GANC: variants seen among roughly 807,000 people sequenced by gnomAD.
GANC encodes the protein neutral alpha-glucosidase C.
In GANC, 117 loss-of-function variants were observed where a neutral mutation model predicts 124.2. The ratio of observed to expected loss-of-function variants is 0.94; its 90% CI spans 0.81 to 1.10. The LOEUF (loss-of-function observed/expected upper bound fraction) is 1.10, where lower values mean the gene tolerates loss of function less well. GANC is among the 50% of genes least tolerant of loss of function. The pLI is 0.00. For synonymous variants in GANC, 377 were observed against 376.8 expected (o/e 1.00, Z -0.01); for missense variants, 1,140 against 1,095.0 (o/e 1.04, Z -0.58).
At chr15:42,294,697 C>T (rs1229610517) in intron 5 of GANC, among the ~76,000 whole-genome samples, 2 of 151,252 alleles carry the variant, frequency 1.3e-5, no homozygotes, top group African/African-American at 2.5e-5. Context: ...AATGGCGCCA[C>T]CTTTACACAT....
At chr15:42,330,770 C>CTTTTTTTTTTTTTTTT in intron 15 of GANC, 98 bp downstream of exon 15, 2 of 359,854 alleles carry the variant, frequency 5.6e-6, no homozygotes, top group South Asian at 2.7e-5. Context: ...CTTCCTTTTC[C>CTTTTTTTTTTTTTTTT]TTTTTTTTTT....
chr15:42,303,261 C>A (rs2051963609), intron 6 of GANC, among the ~76,000 whole-genome samples: 1 of 152,144 alleles, frequency 6.6e-6, no homozygotes, highest in South Asian at 2.1e-4. Context: ...AACTAAGCTT[C>A]ATAAGCAAAG....
intron 3 of GANC, among the ~76,000 whole-genome samples, chr15:42,282,813 T>C (rs567598051): frequency 1.3e-5 from 2 of 152,312 alleles, no homozygotes; most frequent in South Asian, 4.1e-4. Flanking sequence ...TTTCTCGCAG[T>C]TCTGAAGGCT....
At chr15:42,328,377 G>A (rs967316341) in intron 13 of GANC, among the ~76,000 whole-genome samples, 3 of 152,042 alleles carry the variant, frequency 2.0e-5, no homozygotes, top group Non-Finnish European at 4.4e-5. Flanking sequence ...TTACTATCTG[G>A]ACCTTTACCA....
In GANC at chr15:42,273,503, C is replaced by T. The variant is rs1470204292; in HGVS notation, c.-979C>T. The T allele has an allele frequency of 7.9e-6, 12 of 1,527,418 alleles. No homozygotes were observed. The highest frequency in any genetic ancestry group is 1.1e-5 in the Non-Finnish European group (12 of 1,139,674). The allele number at this position is 1,527,418 out of a possible 1,614,324, so 94.6% of individuals were successfully genotyped here. A position where few individuals can be genotyped will look rare whatever the true frequency, so the allele number is the denominator to read the frequency against. ...GGCGGGATTATCCGGGTCCTGGAAA[C>T]GTCGCGGAGCTTGTTTGCTGTGCGG... On this transcript the variant is annotated 5_prime_UTR_variant, in exon 1 of 24. The change creates a new upstream start codon in the 5' untranslated region. Coordinates refer to ENST00000318010, the MANE Select transcript of GANC (RefSeq NM_198141.3).
intron 10 of GANC, among the ~76,000 whole-genome samples, chr15:42,315,764 A>G (rs146342796): frequency 4.6e-5 from 7 of 152,228 alleles, no homozygotes; most frequent in Admixed American, 4.6e-4. Flanking sequence ...ACTCTCCATA[A>G]TGAGAGTGGG....
chr15:42,326,431 A>G lies in GANC; in HGVS notation c.1420+7A>G. The G allele has an allele frequency of 6.2e-7, 1 of 1,613,846 alleles. No homozygotes were observed. The highest frequency in any genetic ancestry group is 1.3e-5 in the African/African-American group (1 of 74,988). ...GAAGGGGTGTGTTGGCCAGGTATGAAATCACTTTATACACTTATTATTTCC... is the reference window on the plus strand; with the variant it reads ...GAAGGGGTGTGTTGGCCAGGTATGAGATCACTTTATACACTTATTATTTCC... On this transcript the variant is annotated splice_region_variant and intron_variant, in intron 12 of 23. Transcript: ENST00000318010.
At chr15:42,335,741 C>T (rs1341284309) in intron 15 of GANC, among the ~76,000 whole-genome samples, 1 of 152,122 alleles carries the variant, frequency 6.6e-6, no homozygotes, top group African/African-American at 2.4e-5. Context: ...CCAAAAGCTC[C>T]TTAAGCTAAT....
At position 42,306,581 on chromosome 15, in the gene GANC, AT is replaced by A. The variant is rs765226916; in HGVS notation, c.597del (p.Phe199LeufsTer82). 1.2e-5 allele frequency: 20 copies of A among 1,613,356 alleles called. No individual in the cohort carries two copies. Among genetic ancestry groups the A allele is most frequent in the Non-Finnish European group, 1.5e-5 (18 of 1,179,628 alleles). On this transcript the variant is annotated frameshift_variant, in exon 7 of 24. Coordinates refer to ENST00000318010, the MANE Select transcript of GANC (RefSeq NM_198141.3). LOFTEE classifies it high-confidence loss of function. ...QEDLGLWEEK[F>X]GKFVDIKANG... Reference sequence around the variant, plus strand: ...AAGATCTGGGCCTGTGGGAAGAGAAATTTGGAAAATTTGTGGATATCAAAGC... The same window carrying A: ...AAGATCTGGGCCTGTGGGAAGAGAAATTGGAAAATTTGTGGATATCAAAGC...
intron 10 of GANC, among the ~76,000 whole-genome samples, chr15:42,315,498 T>G (rs1030071927): frequency 1.1e-4 from 16 of 152,134 alleles, no homozygotes; most frequent in Non-Finnish European, 1.8e-4. Flanking sequence ...AAAGCATAAG[T>G]GTTTACGAGG....
chr15:42,314,907 A>C (rs1316515669), intron 10 of GANC: 2 of 152,258 alleles, frequency 1.3e-5, no homozygotes, highest in African/African-American at 2.4e-5. Context: ...TAACTATGGT[A>C]ATTGTTCTTA....
chr15:42,312,668 G>A (rs1271450232), intron 10 of GANC, among the ~76,000 whole-genome samples: 1 of 152,140 alleles, frequency 6.6e-6, no homozygotes, highest in Non-Finnish European at 1.5e-5. Context: ...GCCCAGGCAC[G>A]GTGGCCCATG....
intron 22 of GANC, 52 bp downstream of exon 22, chr15:42,349,547 G>T: frequency 9.7e-7 from 1 of 1,035,588 alleles, no homozygotes; most frequent in African/African-American, 1.8e-5. Flanking sequence ...CACACTATCC[G>T]TTCAGCATCC....
chr15:42,328,869 A>T (rs1261091383), intron 13 of GANC, among the ~76,000 whole-genome samples: 3 of 152,210 alleles, frequency 2.0e-5, no homozygotes, highest in Non-Finnish European at 4.4e-5. Flanking sequence ...AAGTCTTTCA[A>T]AGTATTAGAG....
chr15:42,334,057 G>T (rs1431465342), intron 15 of GANC, among the ~76,000 whole-genome samples: 1 of 151,872 alleles, frequency 6.6e-6, no homozygotes, highest in Non-Finnish European at 1.5e-5. Context: ...GGAAAAAAAT[G>T]AAACTACACC....
At chr15:42,332,131 A>C (rs1398510085) in intron 15 of GANC, among the ~76,000 whole-genome samples, 1 of 152,184 alleles carries the variant, frequency 6.6e-6, no homozygotes, top group African/African-American at 2.4e-5. Context: ...TGATCTATCA[A>C]ACATCAAGTC....
At chr15:42,345,675 G>T in intron 19 of GANC, 83 bp from the exon 20 acceptor site, 1 of 735,472 alleles carries the variant, frequency 1.4e-6, no homozygotes, top group South Asian at 1.7e-5. Context: ...TGAAATCCAG[G>T]TAAGTGGATA....
intron 19 of GANC, 76 bp from the exon 20 acceptor site, chr15:42,345,682 G>A (rs1237450160): frequency 7.7e-6 from 6 of 784,210 alleles, no homozygotes; most frequent in African/African-American, 5.2e-5. Flanking sequence ...CAGGTAAGTG[G>A]ATATTTTGCT....
intron 4 of GANC, among the ~76,000 whole-genome samples, chr15:42,292,353 G>A (rs1238310982): frequency 2.1e-5 from 3 of 143,096 alleles, no homozygotes; most frequent in African/African-American, 7.7e-5. Context: ...TGATGACAAC[G>A]ATGATAGCTA....
Sources: gnomAD v4.1 joint callset for allele counts (sites outside exome capture counted in the v4.1 genomes callset) on GRCh38, gnomAD v4.1.1 for gene constraint, MANE v1.5 for transcripts, NCBI Gene and HGNC (gene_info 2026-07-23, HGNC 2026-07-21) for gene names.